The following ERC1 variants were observed in gnomAD, a reference collection of about 807,000 sequenced individuals.
The protein encoded by ERC1 is ELKS/RAB6-interacting/CAST family member 1, also known as RAB6 interacting protein 2.
Under a neutral mutation model 132.0 loss-of-function variants are expected in ERC1, and 56 were observed. The ratio of observed to expected loss-of-function variants is 0.42; its 90% CI spans 0.34 to 0.53. The LOEUF is 0.53. Among genes scored for constraint, ERC1 ranks in the 20% least tolerant of loss-of-function variants. ERC1 has a pLI of 0.03. For synonymous variants in ERC1, 478 were observed against 476.1 expected, an observed-to-expected ratio of 1.00 and a Z score of -0.05; for missense variants, 1,202 against 1,349.9, an observed-to-expected ratio of 0.89 and a Z score of 1.72.
chr12:1,245,967 A>T (rs2076132794), intron 13 of ERC1, among the ~76,000 whole-genome samples: 1 of 152,008 alleles, frequency 6.6e-6, no homozygotes, highest in Non-Finnish European at 1.5e-5. Flanking sequence ...ACTGAGTCTT[A>T]ACTATGTTGC....
chr12:1,455,198 A>G (rs1825488398), intron 18 of ERC1, among the ~76,000 whole-genome samples: 1 of 152,200 alleles, frequency 6.6e-6, no homozygotes, highest in Admixed American at 6.5e-5. Flanking sequence ...CTGTCACCCT[A>G]AATACTTTCC....
intron 8 of ERC1, among the ~76,000 whole-genome samples, chr12:1,167,486 C>T (rs1285496622): frequency 6.6e-6 from 1 of 152,132 alleles, no homozygotes; most frequent in Admixed American, 6.5e-5. Flanking sequence ...TATGCTCTTC[C>T]TTTTTCCTGC....
chr12:1,406,931 A>T lies in ERC1; in HGVS notation c.2926-1218A>T, dbSNP rs556825898. ...AGTGAGTATTTTTAAATCATACAGT[A>T]TTAGCAAGTTTATTTTTAATGCTTT... is the stretch of plus-strand genomic sequence containing the variant. On this transcript the variant is annotated intron_variant, in intron 16 of 18. Coordinates refer to ENST00000360905, the MANE Select transcript of ERC1 (RefSeq NM_178040.4). Among the ~76,000 whole-genome samples, 12 of 152,354 alleles carry T rather than the reference A, an allele frequency of 7.9e-5. No homozygotes were observed. In the South Asian group the frequency reaches 2.5e-3, roughly 32 times the overall value.
chr12:1,491,162 C>T lies in ERC1; in HGVS notation c.*932C>T, dbSNP rs2094315105. 1 of 232,004 alleles carries T rather than the reference C, an allele frequency of 4.3e-6. No homozygotes were observed. The highest frequency in any genetic ancestry group is 8.5e-6 in the Non-Finnish European group (1 of 117,300). The allele number at this position is 232,004 out of a possible 1,614,324, so 14.4% of individuals were successfully genotyped here. A position where few individuals can be genotyped will look rare whatever the true frequency, so the allele number is the denominator to read the frequency against. ...GCAGCTTTGCCCCAGTAACAGATGC[C>T]CGTTGCTCTTGGGCTGGTTTCCCCT... On this transcript the variant is annotated 3_prime_UTR_variant, in exon 19 of 19. Transcript: ENST00000360905.
chr12:1,032,746 A>G (rs1968285425), intron 2 of ERC1, among the ~76,000 whole-genome samples: 1 of 152,224 alleles, frequency 6.6e-6, no homozygotes, highest in Non-Finnish European at 1.5e-5. Flanking sequence ...TGTCAGTACA[A>G]TACTGACTTT....
At position 1,073,042 on chromosome 12, in the gene ERC1, C is replaced by CTGT. The variant is rs543076632; in HGVS notation, c.670-10121_670-10119dup. ...TCAGGCCAGGTGCGGTGGCTCATGC[C>CTGT]TGTAATCCCAGCACTTTGGGAGGCT... is the stretch of plus-strand genomic sequence containing the variant. On this transcript the variant is annotated intron_variant, in intron 2 of 18. Transcript: ENST00000360905. Among the ~76,000 whole-genome samples the CTGT allele has an allele frequency of 6.6e-5, 10 of 152,180 alleles. No individual in the cohort carries two copies. In the South Asian group the frequency reaches 1.2e-3, roughly 19 times the overall value.
At chr12:1,242,066 G>A (rs964605935) in intron 13 of ERC1, among the ~76,000 whole-genome samples, 1 of 151,426 alleles carries the variant, frequency 6.6e-6, no homozygotes, top group Non-Finnish European at 1.5e-5. Context: ...AGGCTGGTCT[G>A]GAACTCCTGA....
At chr12:1,138,164 TATA>T in intron 7 of ERC1, among the ~76,000 whole-genome samples, 4 of 88,142 alleles carry the variant, frequency 4.5e-5, no homozygotes, top group Non-Finnish European at 9.0e-5. Flanking sequence ...ACATAATATA[TATA>T]ATTGTATATA....
intron 14 of ERC1, among the ~76,000 whole-genome samples, chr12:1,279,061 T>G (rs2078478349): frequency 6.6e-6 from 1 of 152,336 alleles, no homozygotes; most frequent in Non-Finnish European, 1.5e-5. Flanking sequence ...CCTAATTGTA[T>G]GTTTTCTCTC....
At chr12:1,019,842 A>G (rs1262056618) in intron 1 of ERC1, among the ~76,000 whole-genome samples, 1 of 152,138 alleles carries the variant, frequency 6.6e-6, no homozygotes, top group African/African-American at 2.4e-5. Flanking sequence ...CTTGGGTTCA[A>G]GCAATCTTCC....
chr12:1,260,108 G>A (rs374421019), intron 13 of ERC1, among the ~76,000 whole-genome samples: 1 of 152,094 alleles, frequency 6.6e-6, no homozygotes, highest in East Asian at 1.9e-4. Flanking sequence ...AGAGTATACC[G>A]TAGTAGCTTC....
chr12:1,409,523 G>T (rs1374959979), intron 17 of ERC1, among the ~76,000 whole-genome samples: 2 of 152,136 alleles, frequency 1.3e-5, no homozygotes, highest in Admixed American at 6.5e-5. Flanking sequence ...GATAGAGATA[G>T]CATCTTGGAA....
chr12:1,244,554 C>T (rs761870113), intron 13 of ERC1: 102 of 452,630 alleles, frequency 2.3e-4, no homozygotes, highest in Non-Finnish European at 7.5e-5. Flanking sequence ...CAGGGTCTTG[C>T]TCTATGACCC....
At chr12:1,124,742 G>A (rs1273589791) in intron 7 of ERC1, among the ~76,000 whole-genome samples, 1 of 152,012 alleles carries the variant, frequency 6.6e-6, no homozygotes, top group Admixed American at 6.6e-5. Flanking sequence ...GATGATAAAG[G>A]AGAAGTAACT....
At chr12:1,427,859 G>A (rs1565417546) in intron 17 of ERC1, among the ~76,000 whole-genome samples, 2 of 152,318 alleles carry the variant, frequency 1.3e-5, no homozygotes, top group Non-Finnish European at 2.9e-5. Flanking sequence ...TGACATTGAG[G>A]CAGAGACCTC....
At chr12:1,240,600 A>G (rs1345259285) in intron 13 of ERC1, among the ~76,000 whole-genome samples, 1 of 151,700 alleles carries the variant, frequency 6.6e-6, no homozygotes. Flanking sequence ...CTTGAGAAAT[A>G]TTTTCCGTAT....
rs570616855 is a variant in ERC1 at position 1,248,411 on chromosome 12, A to G, written c.2487+11507A>G. On this transcript the variant is annotated intron_variant, in intron 13 of 18. Transcript: ENST00000360905. ...CTGTGATAGATGATGGGGGAGGGAAATATTTTGGGCAACAAATTTAGGTAG... is the reference window on the plus strand; with the variant it reads ...CTGTGATAGATGATGGGGGAGGGAAGTATTTTGGGCAACAAATTTAGGTAG... Among the ~76,000 whole-genome samples the G allele has an allele frequency of 2.0e-5, 3 of 152,320 alleles. No homozygotes were observed. In the East Asian group the frequency reaches 5.8e-4, roughly 29 times the overall value.
intron 13 of ERC1, among the ~76,000 whole-genome samples, chr12:1,245,214 T>C (rs2076085736): frequency 6.6e-6 from 1 of 152,250 alleles, no homozygotes; most frequent in South Asian, 2.1e-4. Context: ...CCAGAAATCA[T>C]ATGTGTATTT....
At chr12:1,034,062 T>C (rs184271380) in intron 2 of ERC1, among the ~76,000 whole-genome samples, 51 of 152,320 alleles carry the variant, frequency 3.3e-4, no homozygotes, top group Admixed American at 1.2e-3. Context: ...TTTTAGGGGT[T>C]GTATTGGGTT....
Sources: gnomAD v4.1 joint callset for allele counts (sites outside exome capture counted in the v4.1 genomes callset) on GRCh38, gnomAD v4.1.1 for gene constraint, MANE v1.5 for transcripts, NCBI Gene and HGNC (gene_info 2026-07-23, HGNC 2026-07-21) for gene names.